Variants in PPP1R15A observed in about 807,000 individuals in gnomAD.
PPP1R15A encodes the protein growth arrest and DNA damage-inducible protein GADD34.
In PPP1R15A, 43 loss-of-function variants were observed where a neutral mutation model predicts 48.5. The observed-to-expected ratio is 0.89, with a 90% CI of 0.69 to 1.14. PPP1R15A has a LOEUF of 1.14. Among genes scored for constraint, PPP1R15A ranks in the 50% most tolerant of loss-of-function variants. PPP1R15A has a pLI of 0.00. For missense variants in PPP1R15A, 868 were observed against 847.2 expected, an observed-to-expected ratio of 1.02 and a Z score of -0.30; for synonymous variants, 327 against 327.4, an observed-to-expected ratio of 1.00 and a Z score of 0.01.
At position 48,875,850 on chromosome 19, in the gene PPP1R15A, G is replaced by C; in HGVS notation, c.1902G>C (p.Leu634Phe). The C allele has an allele frequency of 6.2e-7, 1 of 1,614,110 alleles. No individual in the cohort carries two copies. The highest frequency in any genetic ancestry group is 8.5e-7 in the Non-Finnish European group (1 of 1,179,970). ...CCATCCCTGCCCTCACCCAGACCTT[G>C]CCTTCCTCCTCTGTCCCTTCGTCCC... is the stretch of plus-strand genomic sequence containing the variant. ...LAPIPALTQTLPSSSVPSSPV... is the reference protein window; with the variant it reads ...LAPIPALTQTFPSSSVPSSPV... The change falls in exon 3 of 3, where the codon TTG becomes TTC. Residue 634 changes from leucine (L) to phenylalanine (F), a missense_variant. Coordinates refer to ENST00000200453, the MANE Select transcript of PPP1R15A (RefSeq NM_014330.5).
chr19:48,874,227 A>AT lies in PPP1R15A; in HGVS notation c.995dup (p.Pro335ThrfsTer22), dbSNP rs761091479. 6.2e-7 allele frequency: 1 copy of AT among 1,614,154 alleles called. No homozygotes were observed. The highest frequency in any genetic ancestry group is 1.1e-5 in the South Asian group (1 of 91,080). On this transcript the variant is annotated frameshift_variant, in exon 2 of 3. Coordinates refer to ENST00000200453, the MANE Select transcript of PPP1R15A (RefSeq NM_014330.5). LOFTEE classifies it high-confidence loss of function. Reference sequence around the variant, plus strand: ...TGGAGAAGCTGAGTGTCCTCCCTGCATCCCCCCACCAAGTGCCTTCCTGAA... The same window carrying AT: ...TGGAGAAGCTGAGTGTCCTCCCTGCATTCCCCCCACCAAGTGCCTTCCTGAA...
chr19:48,875,770 A>G lies in PPP1R15A; in HGVS notation c.1822A>G (p.Thr608Ala). Residue 608 changes from threonine to alanine, a missense_variant, in exon 3 of 3, where the codon ACC (threonine) becomes GCC (alanine). Physicochemically the swap from Thr to Ala is moderately conservative, Grantham distance 58. Coordinates refer to ENST00000200453, the MANE Select transcript of PPP1R15A (RefSeq NM_014330.5). ...CCAGGAGGAGCTGAGCCCCTGCCTC[A>G]CCCCTGCTGCCCGGGCCAGAGCCTG... The part of the protein sequence containing the change: ...QAQEELSPCL[T>A]PAARARAWAR... 1 of 1,612,682 alleles carries G rather than the reference A, an allele frequency of 6.2e-7. No homozygotes were observed. The highest frequency in any genetic ancestry group is 8.5e-7 in the Non-Finnish European group (1 of 1,179,430).
chr19:48,873,460 G>A lies in PPP1R15A; in HGVS notation c.227G>A (p.Gly76Asp). Reference protein sequence around the residue: ...TPLAIPHTPWGRRPEEEAEDS... With the variant: ...TPLAIPHTPWDRRPEEEAEDS... Reference sequence around the variant, plus strand: ...CTGGCAATCCCCCATACCCCTTGGGGCAGACGCCCTGAAGAGGAGGCTGAA... The same window carrying A: ...CTGGCAATCCCCCATACCCCTTGGGACAGACGCCCTGAAGAGGAGGCTGAA... The change falls in exon 2 of 3, where the codon GGC (glycine) becomes GAC (aspartate). Residue 76 changes from glycine to aspartate, a missense_variant. Transcript: ENST00000200453. 1 of 1,613,832 alleles carries A rather than the reference G, an allele frequency of 6.2e-7. No homozygotes were observed. Among genetic ancestry groups the A allele is most frequent in the South Asian group, 1.1e-5 (1 of 91,054 alleles).
At chr19:48,875,061 G>A (rs924168670) in intron 2 of PPP1R15A, 163 bp downstream of exon 2, 25 of 859,344 alleles carry the variant, frequency 2.9e-5, no homozygotes, top group Non-Finnish European at 4.0e-5. Context: ...AGAGTATCTG[G>A]GATTACAGGC....
At chr19:48,873,151 A>G (rs2037029058) in intron 1 of PPP1R15A, 74 bp from the exon 2 acceptor site, 3 of 1,412,276 alleles carry the variant, frequency 2.1e-6, no homozygotes, top group Non-Finnish European at 2.8e-6. Flanking sequence ...TTCCGTTGCT[A>G]TGACTCATAG....
rs1223033430 is a variant in PPP1R15A at position 48,876,018 on chromosome 19, A to C, written c.*45A>C. ...AATTTATTAACTATTTATTTTTTCTAAGTGTGGGTTTATATAAGGAATAAA... is the reference window on the plus strand; with the variant it reads ...AATTTATTAACTATTTATTTTTTCTCAGTGTGGGTTTATATAAGGAATAAA... On this transcript the variant is annotated 3_prime_UTR_variant, in exon 3 of 3. Coordinates refer to ENST00000200453, the MANE Select transcript of PPP1R15A (RefSeq NM_014330.5). 6.7e-7 allele frequency: 1 copy of C among 1,503,024 alleles called. No individual in the cohort carries two copies. The highest frequency in any genetic ancestry group is 2.2e-5 in the Admixed American group (1 of 44,730). 93.1% of individuals were successfully genotyped at this position (1,503,024 alleles called of 1,614,324 possible). A position where few individuals can be genotyped will look rare whatever the true frequency, so the allele number is the denominator to read the frequency against.
At position 48,873,844 on chromosome 19, in the gene PPP1R15A, A is replaced by G. The variant is rs772939947; in HGVS notation, c.611A>G (p.His204Arg). Residue 204 changes from histidine to arginine, a missense_variant, in exon 2 of 3, where the codon CAC (histidine) becomes CGC (arginine). Transcript: ENST00000200453. ...GAAGAAGCTGTAAAGAAAGAAGCTCACAGAACCTCTACTTCTGCCTTGTCT... is the reference window on the plus strand; with the variant it reads ...GAAGAAGCTGTAAAGAAAGAAGCTCGCAGAACCTCTACTTCTGCCTTGTCT... ...DDEEAVKKEA[H>R]RTSTSALSPG... is the part of the protein sequence containing the mutation. 3.7e-6 allele frequency: 6 copies of G among 1,614,152 alleles called. No homozygotes were observed. In the East Asian group the frequency reaches 1.1e-4, roughly 30 times the overall value.
At position 48,873,376 on chromosome 19, in the gene PPP1R15A, A is replaced by T. The variant is rs1441263621; in HGVS notation, c.143A>T (p.Glu48Val). The T allele has an allele frequency of 7.4e-6, 12 of 1,613,728 alleles. No individual in the cohort carries two copies. The highest frequency in any genetic ancestry group is 5.3e-5 in the African/African-American group (4 of 74,886). ...GGACCTCTAGAGCCCTGGCTGGTGG[A>T]AGCAGTAAAAGGAGCAGCTCTGGTA... Reference protein sequence around the residue: ...GLGPLEPWLVEAVKGAALVEA... With the variant: ...GLGPLEPWLVVAVKGAALVEA... Residue 48 changes from glutamate to valine, a missense_variant, in exon 2 of 3, where the codon GAA becomes GTA. Physicochemically the swap from Glu to Val is moderately radical, Grantham distance 121. Coordinates refer to ENST00000200453, the MANE Select transcript of PPP1R15A (RefSeq NM_014330.5).
Position 48,875,713 on chromosome 19 carries a change from C to A in PPP1R15A, c.1765C>A (p.Arg589Ser), listed in dbSNP as rs769579706. ...QGPWEQLARD[R>S]SRFARRITQA... ...CCCCTGGGAGCAGCTTGCTCGGGAT[C>A]GCAGCCGCTTCGCACGCCGCATCAC... The change falls in exon 3 of 3, where the codon CGC becomes AGC. Residue 589 changes from arginine (R) to serine (S), a missense_variant. Physicochemically the swap from Arg to Ser is moderately radical, Grantham distance 110. Coordinates refer to ENST00000200453, the MANE Select transcript of PPP1R15A (RefSeq NM_014330.5). The A allele has an allele frequency of 1.2e-6, 2 of 1,612,716 alleles. No homozygotes were observed.
Position 48,874,678 on chromosome 19 carries a change from G to C in PPP1R15A, c.1445G>C (p.Trp482Ser), listed in dbSNP as rs759645779. ...HPDQRAHFRG[W>S]GYRPGKETEE... is the part of the protein sequence containing the mutation. ...GACCAGAGGGCCCACTTCAGGGGCT[G>C]GGGATATCGACCTGGAAAAGAGACA... Residue 482 changes from tryptophan (W) to serine (S), a missense_variant, in exon 2 of 3, where the codon TGG becomes TCG. By Grantham distance (177) the Trp-to-Ser change is radical. Transcript: ENST00000200453. 2 of 1,613,686 alleles carry C rather than the reference G, an allele frequency of 1.2e-6. No individual in the cohort carries two copies. The highest frequency in any genetic ancestry group is 4.5e-5 in the East Asian group (2 of 44,876).
chr19:48,875,745 C>T lies in PPP1R15A; in HGVS notation c.1797C>T (p.Ala599=). 1.2e-6 allele frequency: 2 copies of T among 1,613,746 alleles called. No individual in the cohort carries two copies. The highest frequency in any genetic ancestry group is 1.7e-6 in the Non-Finnish European group (2 of 1,179,798). The part of the protein sequence containing the change: ...RSRFARRITQ[A]QEELSPCLTP... The stretch of plus-strand genomic sequence containing the variant: ...GCTTCGCACGCCGCATCACCCAGGC[C>T]CAGGAGGAGCTGAGCCCCTGCCTCA... The change falls in exon 3 of 3, where the codon GCC becomes GCT. Residue 599 remains alanine (A), a synonymous_variant. Coordinates refer to ENST00000200453, the MANE Select transcript of PPP1R15A (RefSeq NM_014330.5).
At position 48,874,689 on chromosome 19, in the gene PPP1R15A, C is replaced by G. The variant is rs754199338; in HGVS notation, c.1456C>G (p.Pro486Ala). Residue 486 changes from proline to alanine, a missense_variant, in exon 2 of 3, where the codon CCT (proline) becomes GCT (alanine). Physicochemically the swap from Pro to Ala is conservative, Grantham distance 27 (BLOSUM62 -1). Transcript: ENST00000200453. ...CCACTTCAGGGGCTGGGGATATCGACCTGGAAAAGAGACAGAGGAAGAGGA... is the reference window on the plus strand; with the variant it reads ...CCACTTCAGGGGCTGGGGATATCGAGCTGGAAAAGAGACAGAGGAAGAGGA... ...RAHFRGWGYR[P>A]GKETEEEEAA... 3 of 1,613,762 alleles carry G rather than the reference C, an allele frequency of 1.9e-6. No homozygotes were observed. In the East Asian group the frequency reaches 6.7e-5, roughly 36 times the overall value.
rs764939326 is a variant in PPP1R15A, at chr19:48,875,597, C to A, written c.1666-17C>A. On this transcript the variant is annotated splice_polypyrimidine_tract_variant and intron_variant, in intron 2 of 2. Coordinates refer to ENST00000200453, the MANE Select transcript of PPP1R15A (RefSeq NM_014330.5). ...GCTGTGTGCATCTCCTGCCTGTGTC[C>A]CCATGTCTGCCCGCAGGTGCGCTTC... is the stretch of plus-strand genomic sequence containing the variant. 2 of 1,577,202 alleles carry A rather than the reference C, an allele frequency of 1.3e-6. No homozygotes were observed. The highest frequency in any genetic ancestry group is 1.3e-5 in the African/African-American group (1 of 74,160).
intron 2 of PPP1R15A, 85 bp from the exon 3 acceptor site, chr19:48,875,529 T>TTC (rs929442445): frequency 4.8e-6 from 7 of 1,455,684 alleles, no homozygotes; most frequent in East Asian, 2.3e-5. Context: ...TTTTGTTTGC[T>TTC]TCTCTCTCTC....
At position 48,874,918 on chromosome 19, in the gene PPP1R15A, A is replaced by ATT. The variant is rs748207202; in HGVS notation, c.1665+21_1665+22dup. ...AGAAAGGTAGGTGCTGAGAGCCCAG[A>ATT]TTCTATTTTTTTTTTTTTTTTAATT... On this transcript the variant is annotated intron_variant, in intron 2 of 2. Transcript: ENST00000200453. 6.7e-7 allele frequency: 1 copy of ATT among 1,482,184 alleles called. No homozygotes were observed. The highest frequency in any genetic ancestry group is 8.9e-7 in the Non-Finnish European group (1 of 1,121,216). 91.8% of individuals were successfully genotyped at this position (1,482,184 alleles called of 1,614,324 possible).
rs932466938 is a variant in PPP1R15A, at chr19:48,874,381, G to A, written c.1148G>A (p.Gly383Asp). 6 of 1,613,830 alleles carry A rather than the reference G, an allele frequency of 3.7e-6. No individual in the cohort carries two copies. The African/African-American group carries it at 6.7e-5, about 18-fold the overall frequency. Residue 383 changes from glycine (G) to aspartate (D), a missense_variant, in exon 2 of 3, where the codon GGT (glycine) becomes GAT (aspartate). Transcript: ENST00000200453. ...AEASSSTPATGVFLKSWVYQP... is the reference protein window; with the variant it reads ...AEASSSTPATDVFLKSWVYQP... The stretch of plus-strand genomic sequence containing the variant: ...GCTTCCTCTTCCACTCCTGCTACAG[G>A]TGTCTTCTTGAAGTCCTGGGTCTAT...
intron 2 of PPP1R15A, 81 bp from the exon 3 acceptor site, chr19:48,875,529 TTCTC>T: frequency 2.7e-6 from 4 of 1,455,802 alleles, no homozygotes; most frequent in South Asian, 2.7e-5. Context: ...TTTTGTTTGC[TTCTC>T]TCTCTCTCTT....
rs1336188758 is a variant in PPP1R15A, at chr19:48,873,768, T to C, written c.535T>C (p.Tyr179His). The change falls in exon 2 of 3, where the codon TAT (tyrosine) becomes CAT (histidine). Residue 179 changes from tyrosine (Y) to histidine (H), a missense_variant. Physicochemically the swap from Tyr to His is moderately conservative, Grantham distance 83. Transcript: ENST00000200453. Reference sequence around the variant, plus strand: ...AGAGGAGGGAGTTAACAAGTTCTCTTATCCACCATCACACCGGGAGTGTTG... The same window carrying C: ...AGAGGAGGGAGTTAACAAGTTCTCTCATCCACCATCACACCGGGAGTGTTG... The part of the protein sequence containing the change: ...AEEEGVNKFS[Y>H]PPSHRECCPA... 5 of 1,613,884 alleles carry C rather than the reference T, an allele frequency of 3.1e-6. 1 individual carries two copies. In the South Asian group the frequency reaches 4.4e-5, roughly 14 times the overall value.
chr19:48,875,874 C>A lies in PPP1R15A; in HGVS notation c.1926C>A (p.Ser642=). The change falls in exon 3 of 3, where the codon TCC becomes TCA. Residue 642 remains serine (S), a synonymous_variant. Transcript: ENST00000200453. ...TGCCTTCCTCCTCTGTCCCTTCGTC[C>A]CCAGTCCAGACCACGCCCTTGAGCC... ...QTLPSSSVPS[S]PVQTTPLSQA... The A allele has an allele frequency of 2.5e-6, 4 of 1,614,184 alleles. No individual in the cohort carries two copies. Among genetic ancestry groups the A allele is most frequent in the Non-Finnish European group, 3.4e-6 (4 of 1,180,004 alleles).
Sources: gnomAD v4.1 joint callset for allele counts on GRCh38, gnomAD v4.1.1 for gene constraint, MANE v1.5 for transcripts, NCBI Gene and HGNC (gene_info 2026-07-23, HGNC 2026-07-21) for gene names.